The following C4orf36 variants were observed in gnomAD, a reference collection of about 807,000 sequenced individuals.
C4orf36 encodes the protein chromosome 4 open reading frame 36, also known as uncharacterized protein C4orf36.
In C4orf36, 11 loss-of-function variants were observed where a neutral mutation model predicts 12.2. The observed-to-expected ratio is 0.90, with a 90% CI of 0.57 to 1.49. The LOEUF is 1.49. C4orf36 is among the 40% of genes most tolerant of loss of function. C4orf36 has a pLI of 0.00. For synonymous variants in C4orf36, 54 were observed against 51.3 expected (o/e 1.05, Z -0.22); for missense variants, 137 against 133.9 (o/e 1.02, Z -0.11).
the C4orf36 span, among the ~76,000 whole-genome samples, chr4:86,912,339 T>C: frequency 1.3e-5 from 2 of 152,206 alleles, no homozygotes; most frequent in South Asian, 4.1e-4. Context: ...CTTTTTATTC[T>C]TATAATATCC....
At chr4:86,882,603 A>C (rs1204448758) in intron 4 of C4orf36, among the ~76,000 whole-genome samples, 1 of 152,098 alleles carries the variant, frequency 6.6e-6, no homozygotes, top group African/African-American at 2.4e-5. Context: ...AACCTTACAA[A>C]CCTTCTTTTC....
the C4orf36 span, among the ~76,000 whole-genome samples, chr4:86,920,368 T>C: frequency 6.6e-6 from 1 of 152,226 alleles, no homozygotes; most frequent in Non-Finnish European, 1.5e-5. Flanking sequence ...CTAGTCTTTT[T>C]CTAGCCTGCT....
intron 4 of C4orf36, among the ~76,000 whole-genome samples, chr4:86,884,583 G>A (rs1747127271): frequency 6.6e-6 from 1 of 152,064 alleles, no homozygotes; most frequent in Non-Finnish European, 1.5e-5. Context: ...GAGATTTATA[G>A]GCATAAGCCA....
At chr4:86,898,130 G>A in the C4orf36 span, among the ~76,000 whole-genome samples, 21,870 of 152,068 alleles carry the variant, frequency 0.14, 2,053 homozygotes, top group East Asian at 0.32. Flanking sequence ...AGTGGCTCAC[G>A]CCTGTAATCC....
At chr4:86,902,119 G>A in the C4orf36 span, among the ~76,000 whole-genome samples, 7 of 152,050 alleles carry the variant, frequency 4.6e-5, no homozygotes, top group Non-Finnish European at 8.8e-5. Context: ...GGATCAGAAG[G>A]TAAAAGAAAT....
chr4:86,892,719 A>G (rs1272645205), upstream of C4orf36, among the ~76,000 whole-genome samples: 2 of 152,224 alleles, frequency 1.3e-5, no homozygotes, highest in African/African-American at 2.4e-5. Context: ...CATCTGGGGA[A>G]CCGAAGCCCT....
chr4:86,929,737 G>A, the C4orf36 span, among the ~76,000 whole-genome samples: 2 of 152,146 alleles, frequency 1.3e-5, no homozygotes, highest in African/African-American at 4.8e-5. Context: ...GTACCTGACA[G>A]TAGCTATTTA....
chr4:86,893,660 G>A (rs1351098685), upstream of C4orf36, among the ~76,000 whole-genome samples: 3 of 151,588 alleles, frequency 2.0e-5, no homozygotes, highest in African/African-American at 4.9e-5. Flanking sequence ...GAGTAGGCTC[G>A]CAGGGCTGAC....
intron 2 of C4orf36, among the ~76,000 whole-genome samples, chr4:86,889,012 G>T (rs779745447): frequency 6.6e-6 from 1 of 152,126 alleles, no homozygotes; most frequent in Non-Finnish European, 1.5e-5. Context: ...GTATAAGAGT[G>T]TTCATTGAAG....
chr4:86,890,199 GAGGGAGGGAGGAAGGA>G (rs1331021950), intron 2 of C4orf36: 16 of 245,748 alleles, frequency 6.5e-5, no homozygotes, highest in African/African-American at 4.1e-4. Flanking sequence ...GGGAGGGAGG[GAGGGAGGGAGGAAGGA>G]AGGAAGGAAG....
chr4:86,909,380 T>G, the C4orf36 span, among the ~76,000 whole-genome samples: 1 of 152,182 alleles, frequency 6.6e-6, no homozygotes, highest in Non-Finnish European at 1.5e-5. Flanking sequence ...AGTGGTCTCC[T>G]GTGTCAGCAC....
chr4:86,887,805 C>A lies in C4orf36; in HGVS notation c.309G>T (p.Leu103=), dbSNP rs756413401. Residue 103 remains leucine (L), a synonymous_variant, in exon 4 of 5, where the codon CTG becomes CTT. Coordinates refer to ENST00000295898, the MANE Select transcript of C4orf36 (RefSeq NM_144645.4). The part of the protein sequence containing the change: ...ENTSKEIQLL[L]RERPAGLRRP... ...TTCTCAAACCGGCTGGCCTTTCCCT[C>A]AGGAGAAGCTGAATTTCCTTAGATG... 16 of 1,614,226 alleles carry A rather than the reference C, an allele frequency of 9.9e-6. No individual in the cohort carries two copies. The highest frequency in any genetic ancestry group is 1.3e-5 in the Non-Finnish European group (15 of 1,180,038).
Position 86,876,420 on chromosome 4 carries a change from T to C in C4orf36, c.*26A>G. ...GTTCCCGCCGGCGCTGCTGAGTTTC[T>C]TCATCTACAATCCGCGCTTCAGGCT... On this transcript the variant is annotated 3_prime_UTR_variant, in exon 5 of 5. Coordinates refer to ENST00000295898, the MANE Select transcript of C4orf36 (RefSeq NM_144645.4). 1 of 1,613,122 alleles carries C rather than the reference T, an allele frequency of 6.2e-7. No homozygotes were observed. The highest frequency in any genetic ancestry group is 8.5e-7 in the Non-Finnish European group (1 of 1,179,498).
chr4:86,907,583 G>C, the C4orf36 span, among the ~76,000 whole-genome samples: 4 of 152,072 alleles, frequency 2.6e-5, no homozygotes, highest in South Asian at 2.1e-4. Flanking sequence ...AGCTACTTTG[G>C]GGGTATTTTC....
chr4:86,927,144 C>T, the C4orf36 span, among the ~76,000 whole-genome samples: 1 of 152,188 alleles, frequency 6.6e-6, no homozygotes, highest in African/African-American at 2.4e-5. Context: ...ATTTTCCCTC[C>T]TAAGGGCCTA....
chr4:86,876,334 A>C lies in C4orf36; in HGVS notation c.*112T>G. On this transcript the variant is annotated 3_prime_UTR_variant, in exon 5 of 5. Transcript: ENST00000295898. ...TTCCTGAGGTGGGGGCCGGGCCAGGATGGCTGCAGCGCAGCGACGGCCGGG... is the reference window on the plus strand; with the variant it reads ...TTCCTGAGGTGGGGGCCGGGCCAGGCTGGCTGCAGCGCAGCGACGGCCGGG... The C allele has an allele frequency of 6.6e-7, 1 of 1,521,752 alleles. No individual in the cohort carries two copies. The highest frequency in any genetic ancestry group is 8.8e-7 in the Non-Finnish European group (1 of 1,134,700). The allele number at this position is 1,521,752 out of a possible 1,614,324, so 94.3% of individuals were successfully genotyped here.
At chr4:86,923,699 G>A in the C4orf36 span, among the ~76,000 whole-genome samples, 1 of 150,170 alleles carries the variant, frequency 6.7e-6, no homozygotes, top group African/African-American at 2.5e-5. Context: ...AGCTGCAGAG[G>A]TTGTAGTGAT....
At chr4:86,881,708 T>C (rs1342280205) in intron 4 of C4orf36, among the ~76,000 whole-genome samples, 3 of 152,016 alleles carry the variant, frequency 2.0e-5, no homozygotes, top group African/African-American at 7.2e-5. Flanking sequence ...AGTTTCACTC[T>C]TGTCTCCCAG....
At chr4:86,891,719 T>A in intron 1 of C4orf36, 126 bp from the exon 2 acceptor site, 3 of 894,484 alleles carry the variant, frequency 3.4e-6, no homozygotes, top group Non-Finnish European at 4.7e-6. Context: ...ACCCCAAGTG[T>A]AAAACCGTGT....
Sources: allele counts gnomAD v4.1 joint callset (sites outside exome capture counted in the v4.1 genomes callset), GRCh38; gene constraint gnomAD v4.1.1; transcripts MANE v1.5; gene names NCBI Gene and HGNC (gene_info 2026-07-23, HGNC 2026-07-21).